The following SH3KBP1 variants were observed in gnomAD, a reference collection of about 807,000 sequenced individuals.
SH3KBP1 encodes the protein SH3 domain-containing kinase-binding protein 1.
In SH3KBP1, 8 loss-of-function variants were observed where a neutral mutation model predicts 50.1. The ratio of observed to expected loss-of-function variants is 0.16; its 90% CI spans 0.09 to 0.29. SH3KBP1 has a LOEUF of 0.29. Among genes scored for constraint, SH3KBP1 ranks in the 10% least tolerant of loss-of-function variants. SH3KBP1 has a pLI of 1.00. For missense variants in SH3KBP1, 377 were observed against 535.2 expected (o/e 0.70, Z 2.92); for synonymous variants, 227 against 218.6 (o/e 1.04, Z -0.34).
chrX:19,826,626 T>G (rs1009888637), intron 2 of SH3KBP1, among the ~76,000 whole-genome samples: 1 of 110,532 alleles, frequency 9.0e-6, no homozygotes, highest in African/African-American at 3.3e-5. Context: ...GAGGCTGCAG[T>G]GAGCCATGAT....
intron 13 of SH3KBP1, among the ~76,000 whole-genome samples, chrX:19,562,326 CA>C (rs1243972497): frequency 1.5e-4 from 17 of 110,936 alleles, no homozygotes; most frequent in African/African-American, 4.9e-4. Context: ...TCCATGAGCC[CA>C]CAGCCAGGGG....
intron 1 of SH3KBP1, among the ~76,000 whole-genome samples, chrX:19,844,169 G>T (rs1380066116): frequency 9.0e-6 from 1 of 111,567 alleles, no homozygotes; most frequent in East Asian, 2.8e-4. Flanking sequence ...AGTCTTGCAG[G>T]TCATTATCAT....
chrX:19,772,497 G>A (rs2065818877), intron 2 of SH3KBP1, among the ~76,000 whole-genome samples: 1 of 110,464 alleles, frequency 9.1e-6, no homozygotes, highest in African/African-American at 3.3e-5. Flanking sequence ...TTTTTTAGAA[G>A]AAAATTCGAG....
chrX:19,867,772 C>G (rs1255102987), intron 1 of SH3KBP1, among the ~76,000 whole-genome samples: 1 of 111,133 alleles, frequency 9.0e-6, no homozygotes, highest in Non-Finnish European at 1.9e-5. Flanking sequence ...AAAGTTTGTC[C>G]TATCTTATAT....
intron 12 of SH3KBP1, among the ~76,000 whole-genome samples, chrX:19,579,961 A>C (rs188874322): frequency 1.3e-3 from 141 of 112,053 alleles, no homozygotes; most frequent in African/African-American, 4.5e-3. Context: ...TCAAGTTGCC[A>C]GGCAATGAGC....
intron 3 of SH3KBP1, among the ~76,000 whole-genome samples, chrX:19,712,418 A>G (rs2063798151): frequency 8.9e-6 from 1 of 112,174 alleles, no homozygotes; most frequent in Admixed American, 9.4e-5. Context: ...TTTAACAGGT[A>G]GCTAGACAGC....
At chrX:19,621,238 C>T (rs1438080890) in intron 8 of SH3KBP1, among the ~76,000 whole-genome samples, 4 of 62,996 alleles carry the variant, frequency 6.3e-5, no homozygotes, top group African/African-American at 7.0e-5. Flanking sequence ...CCACACCTGG[C>T]TAATTTTTTT....
intron 4 of SH3KBP1, among the ~76,000 whole-genome samples, chrX:19,696,633 A>G (rs1397446650): frequency 9.0e-6 from 1 of 111,533 alleles, no homozygotes; most frequent in Non-Finnish European, 1.9e-5. Flanking sequence ...ATCAACTAGC[A>G]GGGATGGGTG....
chrX:19,583,585 CT>C (rs2066449821), intron 12 of SH3KBP1, among the ~76,000 whole-genome samples: 1 of 110,511 alleles, frequency 9.0e-6, no homozygotes, highest in Middle Eastern at 4.2e-3. Flanking sequence ...ATATTACTAT[CT>C]GAGGAAGGGA....
chrX:19,768,909 TAC>T (rs1472320601), intron 2 of SH3KBP1, among the ~76,000 whole-genome samples: 2 of 105,950 alleles, frequency 1.9e-5, no homozygotes, highest in Non-Finnish European at 1.9e-5. Flanking sequence ...AAATTCAGTG[TAC>T]ACACACACAC....
At chrX:19,866,505 T>C (rs1473869260) in intron 1 of SH3KBP1, among the ~76,000 whole-genome samples, 2 of 109,327 alleles carry the variant, frequency 1.8e-5, no homozygotes, top group South Asian at 7.9e-4. Flanking sequence ...CTGGGCAACA[T>C]AACGAGACCT....
intron 2 of SH3KBP1, among the ~76,000 whole-genome samples, chrX:19,813,078 G>A (rs1325479881): frequency 1.8e-5 from 2 of 109,984 alleles, no homozygotes; most frequent in African/African-American, 3.3e-5. Context: ...TGGAGGTCGA[G>A]GCTGCAGTGA....
chrX:19,666,299 C>T (rs180767201), intron 6 of SH3KBP1, among the ~76,000 whole-genome samples: 2 of 110,760 alleles, frequency 1.8e-5, no homozygotes, highest in Admixed American at 9.6e-5. Context: ...CATCTTTTTT[C>T]GAGAGAACTG....
chrX:19,867,688 G>A (rs142466821), intron 1 of SH3KBP1, among the ~76,000 whole-genome samples: 29 of 111,175 alleles, frequency 2.6e-4, no homozygotes, highest in African/African-American at 9.5e-4. Context: ...AGGGGCCGAG[G>A]ATGGTGCTGC....
chrX:19,815,728 G>C (rs1274779094), intron 2 of SH3KBP1, among the ~76,000 whole-genome samples: 1 of 111,826 alleles, frequency 8.9e-6, no homozygotes, highest in African/African-American at 3.3e-5. Context: ...GTCATTTTGA[G>C]AATGTAATAT....
intron 8 of SH3KBP1, among the ~76,000 whole-genome samples, chrX:19,610,555 A>C: frequency 8.9e-6 from 1 of 112,257 alleles, no homozygotes; most frequent in African/African-American, 3.2e-5. Context: ...TATTCAATTC[A>C]ATAAACATCT....
chrX:19,815,829 C>T (rs1305699855), intron 2 of SH3KBP1, among the ~76,000 whole-genome samples: 5 of 112,093 alleles, frequency 4.5e-5, no homozygotes, highest in Non-Finnish European at 9.4e-5. Flanking sequence ...TGTGTGTATC[C>T]GAGTTCATTC....
chrX:19,558,599 A>G (rs2065564037), intron 13 of SH3KBP1, among the ~76,000 whole-genome samples: 2 of 111,632 alleles, frequency 1.8e-5, no homozygotes, highest in African/African-American at 6.5e-5. Context: ...TCCAACCCCT[A>G]CTGCTGAATT....
chrX:19,703,046 A>C (rs780453970), intron 4 of SH3KBP1, among the ~76,000 whole-genome samples: 1 of 110,989 alleles, frequency 9.0e-6, no homozygotes, highest in Non-Finnish European at 1.9e-5. Flanking sequence ...TGCTTTGCCA[A>C]CTCCACTATG....
Sources: allele counts gnomAD v4.1 joint callset (sites outside exome capture counted in the v4.1 genomes callset), GRCh38; gene constraint gnomAD v4.1.1; transcripts MANE v1.5; gene names NCBI Gene and HGNC (gene_info 2026-07-23, HGNC 2026-07-21).